The following ANXA8 variants were observed in gnomAD, a reference collection of about 807,000 sequenced individuals.
ANXA8 encodes annexin A8.
In ANXA8, 9 loss-of-function variants were observed where a neutral mutation model predicts 26.8. The observed-to-expected ratio is 0.34, with a 90% confidence interval of 0.20 to 0.59. The LOEUF is 0.59. ANXA8 is among the 20% of genes least tolerant of loss of function. ANXA8 has a pLI of 0.84. For synonymous variants in ANXA8, 39 were observed against 94.8 expected (o/e 0.41, Z 3.42); for missense variants, 83 against 238.5 (o/e 0.35, Z 4.29).
the ANXA8 span, among the ~76,000 whole-genome samples, chr10:47,668,177 C>T: frequency 1.3e-5 from 2 of 150,904 alleles, no homozygotes; most frequent in East Asian, 3.9e-4. Flanking sequence ...TTGACTGGAC[C>T]TCCAGTTTTT....
At chr10:47,481,492 A>ACCTT (rs1839795591) in intron 1 of ANXA8, among the ~76,000 whole-genome samples, 1 of 140,994 alleles carries the variant, frequency 7.1e-6, no homozygotes. Context: ...CACCCACAGG[A>ACCTT]ACGCAGGTCA....
At chr10:47,942,434 C>G in the ANXA8 span, among the ~76,000 whole-genome samples, 1 of 142,358 alleles carries the variant, frequency 7.0e-6, no homozygotes. Context: ...GGGTTTGGAG[C>G]AGACAGCTGT....
At chr10:47,986,139 T>C in the ANXA8 span, 1 of 149,684 alleles carries the variant, frequency 6.7e-6, no homozygotes, top group Non-Finnish European at 1.5e-5. Flanking sequence ...GATAATATAA[T>C]AGGGTATTTG....
At chr10:47,505,510 G>GTTTA in the ANXA8 span, among the ~76,000 whole-genome samples, 1 of 138,972 alleles carries the variant, frequency 7.2e-6, no homozygotes, top group Non-Finnish European at 1.6e-5. Context: ...TGTTTTTAAA[G>GTTTA]AATCCGTGAT....
At chr10:47,663,296 G>A in the ANXA8 span, among the ~76,000 whole-genome samples, 1 of 148,406 alleles carries the variant, frequency 6.7e-6, no homozygotes, top group East Asian at 1.9e-4. Context: ...TCGCTCACTG[G>A]TGATTATCAA....
At chr10:47,743,263 T>TATAC in the ANXA8 span, among the ~76,000 whole-genome samples, 2 of 116,254 alleles carry the variant, frequency 1.7e-5, no homozygotes, top group African/African-American at 3.3e-5. Flanking sequence ...TATATATATA[T>TATAC]ACATATATAT....
At chr10:47,591,637 G>A in the ANXA8 span, among the ~76,000 whole-genome samples, 78 of 143,038 alleles carry the variant, frequency 5.5e-4, 1 homozygote, top group Admixed American at 3.5e-3. Context: ...TACTAGAGAC[G>A]GGGTTTCACT....
chr10:47,589,213 T>C, the ANXA8 span: 1 of 146,984 alleles, frequency 6.8e-6, no homozygotes, highest in Non-Finnish European at 1.5e-5. Flanking sequence ...AAAGCAAAGA[T>C]ACAGCAGGTT....
the ANXA8 span, among the ~76,000 whole-genome samples, chr10:47,775,289 C>G: frequency 7.0e-6 from 1 of 141,960 alleles, no homozygotes; most frequent in Non-Finnish European, 1.5e-5. Context: ...AGGAGAATCA[C>G]TTGAACCTGG....
the ANXA8 span, among the ~76,000 whole-genome samples, chr10:47,685,377 A>AC: frequency 2.0e-5 from 3 of 149,872 alleles, no homozygotes; most frequent in Non-Finnish European, 4.5e-5. Context: ...AGAAAAAAAA[A>AC]CACAAAAAAA....
chr10:47,706,427 C>T, the ANXA8 span: 3 of 546,486 alleles, frequency 5.5e-6, no homozygotes, highest in South Asian at 2.1e-5. Context: ...AGACATACTC[C>T]ATAGATATTA....
At chr10:47,617,804 T>G in the ANXA8 span, among the ~76,000 whole-genome samples, 126 of 144,586 alleles carry the variant, frequency 8.7e-4, no homozygotes, top group African/African-American at 3.3e-3. Context: ...TACAGTGAAA[T>G]TATCCTGTCT....
the ANXA8 span, among the ~76,000 whole-genome samples, chr10:47,937,174 G>A: frequency 6.7e-6 from 1 of 149,650 alleles, no homozygotes; most frequent in Admixed American, 6.7e-5. Context: ...GAAGCTATGG[G>A]GGCTCTGGTC....
At chr10:47,687,352 C>A in the ANXA8 span, among the ~76,000 whole-genome samples, 43 of 151,116 alleles carry the variant, frequency 2.8e-4, no homozygotes, top group Non-Finnish European at 5.6e-4. Context: ...CTCACTGCAA[C>A]CTCCTGGGTT....
the ANXA8 span, among the ~76,000 whole-genome samples, chr10:47,652,733 G>A: frequency 1.4e-5 from 2 of 137,980 alleles, no homozygotes; most frequent in Middle Eastern, 3.2e-3. Context: ...TACTGAAGTA[G>A]TTGAATGCCA....
chr10:47,558,357 C>G, the ANXA8 span, among the ~76,000 whole-genome samples: 3 of 151,932 alleles, frequency 2.0e-5, no homozygotes, highest in South Asian at 4.2e-4. Context: ...ATGGCATCAG[C>G]TCTGTGGCCG....
At chr10:47,669,998 A>T in the ANXA8 span, among the ~76,000 whole-genome samples, 2 of 151,860 alleles carry the variant, frequency 1.3e-5, no homozygotes, top group African/African-American at 2.4e-5. Flanking sequence ...CCCCATACCC[A>T]TTAAGCAGTC....
At chr10:47,945,092 C>A in the ANXA8 span, among the ~76,000 whole-genome samples, 1 of 150,532 alleles carries the variant, frequency 6.6e-6, no homozygotes, top group Non-Finnish European at 1.5e-5. Flanking sequence ...GATGCTCTTG[C>A]TGACCCCCAA....
In ANXA8 at chr10:47,474,030, T is replaced by C. The variant is rs1839406485; in HGVS notation, c.682A>G (p.Ile228Val). 2 of 552,348 alleles carry C rather than the reference T, an allele frequency of 3.6e-6. No individual in the cohort carries two copies. The highest frequency in any genetic ancestry group is 5.1e-5 in the African/African-American group (2 of 39,348). 34.2% of individuals were successfully genotyped at this position (552,348 alleles called of 1,614,324 possible). A position where few individuals can be genotyped will look rare whatever the true frequency, so the allele number is the denominator to read the frequency against. ...EEYEKIANKS[I>V]EDSIKSETHG... ...GTCTCACTCTTGATGCTGTCCTCAATGCTCTTGTTGGCAATTTTCTCATAC... is the reference window on the plus strand; with the variant it reads ...GTCTCACTCTTGATGCTGTCCTCAACGCTCTTGTTGGCAATTTTCTCATAC... The change falls in exon 9 of 12, where the codon ATT (isoleucine) becomes GTT (valine). Residue 228 changes from isoleucine to valine, a missense_variant. Coordinates refer to ENST00000585281, the MANE Select transcript of ANXA8 (RefSeq NM_001040084.3).
Sources: allele counts gnomAD v4.1 joint callset (sites outside exome capture counted in the v4.1 genomes callset), GRCh38; gene constraint gnomAD v4.1.1; transcripts MANE v1.5; gene names NCBI Gene and HGNC (gene_info 2026-07-23, HGNC 2026-07-21).